Variants in STK17B observed in about 807,000 individuals in gnomAD.
The protein encoded by STK17B is serine/threonine-protein kinase 17B.
In STK17B, 21 loss-of-function variants were observed where a neutral mutation model predicts 42.0. The observed-to-expected ratio is 0.50, with a 90% confidence interval of 0.35 to 0.72. The LOEUF is 0.72. Ranked by LOEUF, STK17B falls within the 30% of genes least tolerant of loss-of-function variation. The pLI is 0.00. For missense variants in STK17B, 349 were observed against 446.0 expected (o/e 0.78, Z 1.96); for synonymous variants, 143 against 148.4 (o/e 0.96, Z 0.26).
Position 196,135,091 on chromosome 2 carries a change from GATGTA to G in STK17B, c.*2351_*2355del, listed in dbSNP as rs1255787180. 1 of 152,136 alleles carries G rather than the reference GATGTA, an allele frequency of 6.6e-6. No homozygotes were observed. Among genetic ancestry groups the G allele is most frequent in the East Asian group, 1.9e-4 (1 of 5,200 alleles). 9.4% of individuals were successfully genotyped at this position (152,136 alleles called of 1,614,324 possible). A position where few individuals can be genotyped will look rare whatever the true frequency, so the allele number is the denominator to read the frequency against. On this transcript the variant is annotated 3_prime_UTR_variant, in exon 8 of 8. Transcript: ENST00000263955. ...CTCTGTATTCTACTACTTAAAGGTAGATGTAAAGTATTTTAAGATTTTCAGACATT... is the reference window on the plus strand; with the variant it reads ...CTCTGTATTCTACTACTTAAAGGTAGAAGTATTTTAAGATTTTCAGACATT...
chr2:196,175,148 A>G (rs1462177443), upstream of STK17B, among the ~76,000 whole-genome samples: 1 of 152,256 alleles, frequency 6.6e-6, no homozygotes, highest in East Asian at 1.9e-4. Flanking sequence ...CATGTAATCA[A>G]CAAAAATTAT....
chr2:196,151,187 T>C (rs1211532984), intron 3 of STK17B: 1 of 152,194 alleles, frequency 6.6e-6, no homozygotes, highest in Non-Finnish European at 1.5e-5. Flanking sequence ...TGAATGTAAG[T>C]TCCCCTTTTG....
intron 7 of STK17B, among the ~76,000 whole-genome samples, chr2:196,139,210 T>G (rs1443645905): frequency 6.7e-6 from 1 of 149,848 alleles, no homozygotes; most frequent in South Asian, 2.1e-4. Flanking sequence ...GTGATCCATC[T>G]GCCTCAGCCT....
At chr2:196,143,804 G>GTTTGATA in intron 4 of STK17B, 118 bp from the exon 5 acceptor site, 1 of 972,124 alleles carries the variant, frequency 1.0e-6, no homozygotes, top group Non-Finnish European at 1.4e-6. Context: ...ATTGAGTCAT[G>GTTTGATA]CATCAAACAT....
chr2:196,140,577 C>CCTTTT lies in STK17B; in HGVS notation c.656+671_656+672insAAAAG, dbSNP rs1334737441. On this transcript the variant is annotated intron_variant, in intron 6 of 7. Transcript: ENST00000263955. ...CTGCTTAACAAATACCTTCTTCTAG[C>CCTTTT]TTTTTTTTTTTTTTTTTTTTTTTGT... 1.5e-4 allele frequency among the ~76,000 whole-genome samples: 15 copies of CCTTTT among 101,478 alleles called. 3 individuals are homozygous for CCTTTT. Among genetic ancestry groups the CCTTTT allele is most frequent in the African/African-American group, 1.1e-4 (3 of 27,890 alleles). The allele number at this position is 101,478 out of a possible 152,430, so 66.6% of individuals were successfully genotyped here.
intron 2 of STK17B, among the ~76,000 whole-genome samples, chr2:196,157,938 A>C (rs187650941): frequency 6.6e-6 from 1 of 152,368 alleles, no homozygotes; most frequent in African/African-American, 2.4e-5. Flanking sequence ...TTAAATAGGA[A>C]GTTTTACATA....
intron 3 of STK17B, chr2:196,153,641 T>C (rs1422377563): frequency 6.6e-6 from 1 of 152,166 alleles, no homozygotes; most frequent in Non-Finnish European, 1.5e-5. Context: ...TGATTACAGG[T>C]CTGGGGCAGG....
At chr2:196,169,457 GA>G (rs1253479497) in intron 1 of STK17B, among the ~76,000 whole-genome samples, 4 of 152,158 alleles carry the variant, frequency 2.6e-5, no homozygotes. Context: ...ACGATTAAGT[GA>G]AAGTGTTATT....
At chr2:196,151,156 TA>T (rs1699660190) in intron 3 of STK17B, 1 of 152,214 alleles carries the variant, frequency 6.6e-6, no homozygotes, top group Non-Finnish European at 1.5e-5. Flanking sequence ...CATTCTCACA[TA>T]ATCTCAGAGT....
At chr2:196,140,566 C>A (rs1699478237) in intron 6 of STK17B, among the ~76,000 whole-genome samples, 1 of 145,590 alleles carries the variant, frequency 6.9e-6, no homozygotes, top group African/African-American at 2.5e-5. Context: ...TTAACAAATA[C>A]CTTCTTCTAG....
At chr2:196,146,621 T>C (rs1196960578) in intron 3 of STK17B, among the ~76,000 whole-genome samples, 1 of 152,222 alleles carries the variant, frequency 6.6e-6, no homozygotes, top group Admixed American at 6.5e-5. Context: ...GCAGCCTGCC[T>C]TCACTGCAAT....
At chr2:196,170,457 A>T (rs1001748521) in intron 1 of STK17B, among the ~76,000 whole-genome samples, 36 of 152,232 alleles carry the variant, frequency 2.4e-4, no homozygotes, top group African/African-American at 8.2e-4. Context: ...TTACGATTTT[A>T]AAAACGTATT....
intron 1 of STK17B, chr2:196,170,749 G>C (rs2105719499): frequency 6.6e-6 from 1 of 152,392 alleles, no homozygotes; most frequent in Middle Eastern, 3.4e-3. Context: ...CACGGAAACA[G>C]CTGTAGCCCG....
chr2:196,146,370 G>A (rs1423175491), intron 3 of STK17B, among the ~76,000 whole-genome samples: 4 of 152,086 alleles, frequency 2.6e-5, no homozygotes, highest in Admixed American at 6.5e-5. Context: ...TGGGTGTGAT[G>A]GCAGGTGCCT....
Position 196,137,579 on chromosome 2 carries a change from G to A in STK17B, c.987C>T (p.Ser329=), listed in dbSNP as rs540299725. The A allele has an allele frequency of 8.1e-6, 13 of 1,614,124 alleles. No individual in the cohort carries two copies. In the East Asian group the frequency reaches 1.1e-4, roughly 14 times the overall value. Residue 329 remains serine (S), a synonymous_variant, in exon 8 of 8, where the codon TCC becomes TCT. Transcript: ENST00000263955. Reference sequence around the variant, plus strand: ...CTCTATCACCACAGGTTCCATTACAGGAGGATTTAGAAGTCTTGTCTTCAG... The same window carrying A: ...CTCTATCACCACAGGTTCCATTACAAGAGGATTTAGAAGTCTTGTCTTCAG... ...RSSEDKTSKS[S]CNGTCGDRED... is the part of the protein sequence containing the mutation.
Position 196,139,577 on chromosome 2 carries a change from A to G in STK17B, c.836+43T>C, listed in dbSNP as rs559691819. 4.7e-4 allele frequency: 580 copies of G among 1,232,768 alleles called. 6 individuals carry two copies. The South Asian group carries it at 9.2e-3, about 20-fold the overall frequency. 76.4% of individuals were successfully genotyped at this position (1,232,768 alleles called of 1,614,324 possible). On this transcript the variant is annotated intron_variant, in intron 7 of 7. Transcript: ENST00000263955. ...TTATTTATTCTGTAATAGTATTTAA[A>G]CAAATTAAATTTGTAATAGTATTTA...
Position 196,133,895 on chromosome 2 carries a change from T to C in STK17B, c.*3552A>G, listed in dbSNP as rs943286319. 3.3e-5 allele frequency: 5 copies of C among 152,216 alleles called. No individual in the cohort carries two copies. The highest frequency in any genetic ancestry group is 7.3e-5 in the Non-Finnish European group (5 of 68,042). The allele number at this position is 152,216 out of a possible 1,614,324, so 9.4% of individuals were successfully genotyped here. A position where few individuals can be genotyped will look rare whatever the true frequency, so the allele number is the denominator to read the frequency against. On this transcript the variant is annotated 3_prime_UTR_variant, in exon 8 of 8. Transcript: ENST00000263955. ...TATTCTTTAAAATACTTTTATAAAA[T>C]TATAAATTGATAATAATCCCCCCAA...
Position 196,163,323 on chromosome 2 carries a change from T to C in STK17B, c.61A>G (p.Ile21Val). Residue 21 changes from isoleucine to valine, a missense_variant, in exon 2 of 8, where the codon ATT (isoleucine) becomes GTT (valine). This residue lies in a region of STK17B where 256 missense variants were observed against 347.7 expected (regional missense o/e 0.74). Transcript: ENST00000263955. ...TTAAAGTTTTCCATTTTTATTGGAA[T>C]TTGAGGAGTTGTAGTTAGTAGGCCT... is the stretch of plus-strand genomic sequence containing the variant. ...ISGLLTTTPQIPIKMENFNNF... is the reference protein window; with the variant it reads ...ISGLLTTTPQVPIKMENFNNF... 1 of 1,606,874 alleles carries C rather than the reference T, an allele frequency of 6.2e-7. No individual in the cohort carries two copies. The highest frequency in any genetic ancestry group is 8.5e-7 in the Non-Finnish European group (1 of 1,178,308).
chr2:196,164,241 CTA>C (rs1163472974), intron 1 of STK17B, among the ~76,000 whole-genome samples: 2 of 152,108 alleles, frequency 1.3e-5, no homozygotes, highest in East Asian at 1.9e-4. Flanking sequence ...CACGGATTGG[CTA>C]TGTTTCAGTA....
Sources: gnomAD v4.1 joint callset for allele counts (sites outside exome capture counted in the v4.1 genomes callset) on GRCh38, gnomAD v4.1.1 for gene constraint, gnomAD v4.1.1 regional missense constraint, MANE v1.5 for transcripts, NCBI Gene and HGNC (gene_info 2026-07-23, HGNC 2026-07-21) for gene names.